Variants in ZFHX3 observed in about 807,000 individuals in gnomAD.
The protein encoded by ZFHX3 is zinc finger homeobox protein 3.
ZFHX3 carries 42 observed loss-of-function variants against 279.1 expected under a neutral mutation model. The observed-to-expected ratio is 0.15, with a 90% CI of 0.12 to 0.19. The LOEUF (loss-of-function observed/expected upper bound fraction) is 0.19, where lower values mean the gene tolerates loss of function less well. Among genes scored for constraint, ZFHX3 ranks in the 10% least tolerant of loss-of-function variants. The probability of loss-of-function intolerance (pLI) is 1.00; values close to 1 mark genes in which losing one functional copy is unlikely to be tolerated. For missense variants in ZFHX3, 4,981 were observed against 4,754.0 expected, an observed-to-expected ratio of 1.05 and a Z score of -1.40; for synonymous variants, 2,293 against 1,957.8, an observed-to-expected ratio of 1.17 and a Z score of -4.52.
chr16:73,461,388 G>C (rs1332298324), intron 2 of ZFHX3, among the ~76,000 whole-genome samples: 1 of 152,096 alleles, frequency 6.6e-6, no homozygotes, highest in Admixed American at 6.5e-5. Flanking sequence ...CTTTCATAGA[G>C]TAAAAGTTTT....
chr16:73,782,593 T>C (rs1959510087), intron 1 of ZFHX3, among the ~76,000 whole-genome samples: 1 of 152,138 alleles, frequency 6.6e-6, no homozygotes, highest in East Asian at 1.9e-4. Flanking sequence ...TGCCCACTGA[T>C]TATCTGTGGC....
At chr16:73,106,474 C>T (rs966489620) in intron 7 of ZFHX3, among the ~76,000 whole-genome samples, 4 of 152,032 alleles carry the variant, frequency 2.6e-5, no homozygotes, top group Admixed American at 1.3e-4. Context: ...TCTTAAAAGG[C>T]TACAAAGGGC....
At chr16:73,682,643 C>T (rs577357205) in intron 1 of ZFHX3, among the ~76,000 whole-genome samples, 2 of 151,602 alleles carry the variant, frequency 1.3e-5, no homozygotes, top group East Asian at 1.9e-4. Flanking sequence ...AAAAATGAGC[C>T]GGTCATGGTG....
intron 1 of ZFHX3, among the ~76,000 whole-genome samples, chr16:73,817,166 G>A (rs767753021): frequency 6.6e-6 from 1 of 152,156 alleles, no homozygotes; most frequent in Admixed American, 6.6e-5. Flanking sequence ...GCAGCCACGT[G>A]CATTAGTGCA....
intron 1 of ZFHX3, among the ~76,000 whole-genome samples, chr16:73,834,341 T>TA (rs2142361601): frequency 6.6e-6 from 1 of 152,288 alleles, no homozygotes; most frequent in Admixed American, 6.5e-5. Context: ...TGAAAAAGGT[T>TA]AAGTTGTAGG....
At chr16:73,641,122 G>T (rs949498631) in intron 2 of ZFHX3, among the ~76,000 whole-genome samples, 1 of 152,142 alleles carries the variant, frequency 6.6e-6, no homozygotes, top group Non-Finnish European at 1.5e-5. Flanking sequence ...TTGGAATAAA[G>T]ATATTTTTAG....
intron 3 of ZFHX3, chr16:73,401,182 A>C (rs1207840338): frequency 6.6e-6 from 1 of 152,008 alleles, no homozygotes; most frequent in Non-Finnish European, 1.5e-5. Flanking sequence ...ATCTGTACGC[A>C]GGCAGGGCTT....
intron 2 of ZFHX3, among the ~76,000 whole-genome samples, chr16:73,545,453 G>A (rs2020092810): frequency 6.6e-6 from 1 of 152,050 alleles, no homozygotes. Flanking sequence ...TTTCATTTGT[G>A]TTTACATTTC....
chr16:73,847,225 CA>C (rs1391528231), intron 1 of ZFHX3, among the ~76,000 whole-genome samples: 1 of 152,182 alleles, frequency 6.6e-6, no homozygotes, highest in East Asian at 1.9e-4. Flanking sequence ...CACTCAAACC[CA>C]GGAGGCAGAG....
intron 4 of ZFHX3, among the ~76,000 whole-genome samples, chr16:73,309,434 A>G (rs2015271531): frequency 6.6e-6 from 1 of 152,116 alleles, no homozygotes; most frequent in Admixed American, 6.5e-5. Flanking sequence ...GCTGTGTTGT[A>G]TCCCATGCTG....
chr16:73,713,407 TCA>T (rs2053383005), intron 1 of ZFHX3, among the ~76,000 whole-genome samples: 1 of 152,210 alleles, frequency 6.6e-6, no homozygotes, highest in African/African-American at 2.4e-5. Context: ...TATTCTTTAT[TCA>T]GTTTATAATA....
At chr16:72,844,891 T>C (rs1219014051) in intron 4 of ZFHX3, among the ~76,000 whole-genome samples, 2 of 150,258 alleles carry the variant, frequency 1.3e-5, no homozygotes, top group Admixed American at 1.3e-4. Flanking sequence ...ATTTCCGAGA[T>C]GAATGAAATG....
At chr16:73,605,755 C>T (rs190096185) in intron 2 of ZFHX3, among the ~76,000 whole-genome samples, 1 of 152,000 alleles carries the variant, frequency 6.6e-6, no homozygotes, top group East Asian at 1.9e-4. Context: ...AAGGAACAGA[C>T]AGTAAATACC....
At chr16:73,577,479 C>G (rs1299248231) in intron 2 of ZFHX3, among the ~76,000 whole-genome samples, 1 of 152,108 alleles carries the variant, frequency 6.6e-6, no homozygotes, top group Non-Finnish European at 1.5e-5. Context: ...CATTTAAAAG[C>G]TCATAAATTG....
At chr16:73,282,854 C>A (rs1242187827) in intron 4 of ZFHX3, among the ~76,000 whole-genome samples, 1 of 152,058 alleles carries the variant, frequency 6.6e-6, no homozygotes, top group Admixed American at 6.6e-5. Context: ...TGTTTTCTTC[C>A]AGATTAAGTC....
intron 7 of ZFHX3, among the ~76,000 whole-genome samples, chr16:73,097,189 G>A (rs1039275423): frequency 1.3e-5 from 2 of 151,548 alleles, no homozygotes; most frequent in Admixed American, 6.6e-5. Flanking sequence ...AAGTAGCTGG[G>A]ACTAGAGGTG....
intron 2 of ZFHX3, among the ~76,000 whole-genome samples, chr16:73,476,791 A>T (rs1191432372): frequency 6.6e-6 from 1 of 152,260 alleles, no homozygotes; most frequent in Non-Finnish European, 1.5e-5. Flanking sequence ...TAACAAGTTC[A>T]TTAAAAAATG....
intron 2 of ZFHX3, among the ~76,000 whole-genome samples, chr16:73,604,429 T>C (rs1013925684): frequency 6.6e-6 from 1 of 152,156 alleles, no homozygotes; most frequent in African/African-American, 2.4e-5. Context: ...AGATACGCCT[T>C]AGCTTAGCAA....
At chr16:73,397,608 G>C (rs1386629540) in intron 3 of ZFHX3, among the ~76,000 whole-genome samples, 2 of 152,194 alleles carry the variant, frequency 1.3e-5, no homozygotes, top group Non-Finnish European at 2.9e-5. Context: ...AATGGCAGTG[G>C]TTCAGTGAGC....
Sources: allele counts gnomAD v4.1 joint callset (sites outside exome capture counted in the v4.1 genomes callset), GRCh38; gene constraint gnomAD v4.1.1; transcripts MANE v1.5; gene names NCBI Gene and HGNC (gene_info 2026-07-23, HGNC 2026-07-21).